The following TSHR variants were observed in gnomAD, a reference collection of about 807,000 sequenced individuals.
The protein encoded by TSHR is thyroid stimulating hormone receptor, also known as thyrotropin receptor.
Under a neutral mutation model 64.1 loss-of-function variants are expected in TSHR, and 51 were observed. The observed-to-expected ratio is 0.80, with a 90% CI of 0.64 to 1.01. TSHR has a LOEUF of 1.01. TSHR is among the 50% of genes least tolerant of loss of function. The pLI is 0.00. For synonymous variants in TSHR, 361 were observed against 361.9 expected, an observed-to-expected ratio of 1.00 and a Z score of 0.03; for missense variants, 877 against 942.8, an observed-to-expected ratio of 0.93 and a Z score of 0.91.
chr14:80,968,772 T>G (rs1297998432), intron 1 of TSHR, among the ~76,000 whole-genome samples: 2 of 152,186 alleles, frequency 1.3e-5, no homozygotes, highest in Admixed American at 6.5e-5. Flanking sequence ...CACTCCTTAC[T>G]CTTCCTAATG....
At chr14:81,005,045 CA>C (rs764358127) in intron 1 of TSHR, among the ~76,000 whole-genome samples, 1 of 152,180 alleles carries the variant, frequency 6.6e-6, no homozygotes, top group Non-Finnish European at 1.5e-5. Context: ...CAATATGCAG[CA>C]GAGCCTAGAG....
intron 7 of TSHR, among the ~76,000 whole-genome samples, chr14:81,105,959 T>G (rs1292887864): frequency 6.6e-6 from 1 of 152,150 alleles, no homozygotes. Context: ...TGCAGTTGTT[T>G]TTTTTTTTCA....
At chr14:81,127,881 A>G (rs1419039980) in intron 8 of TSHR, among the ~76,000 whole-genome samples, 1 of 152,160 alleles carries the variant, frequency 6.6e-6, no homozygotes, top group Non-Finnish European at 1.5e-5. Context: ...TTCTTTATAA[A>G]TTACCCAGTC....
chr14:81,010,415 C>T (rs1274985494), intron 1 of TSHR, among the ~76,000 whole-genome samples: 1 of 151,798 alleles, frequency 6.6e-6, no homozygotes, highest in East Asian at 1.9e-4. Flanking sequence ...TTTCAATCAG[C>T]TCTAATAATT....
Position 81,017,890 on chromosome 14 carries a change from C to T in TSHR, c.171-44258C>T, listed in dbSNP as rs192676313. Among the ~76,000 whole-genome samples the T allele has an allele frequency of 3.1e-4, 45 of 147,058 alleles. 1 individual carries two copies. Among genetic ancestry groups the T allele is most frequent in the Middle Eastern group, 3.6e-3 (1 of 280 alleles). On this transcript the variant is annotated intron_variant, in intron 1 of 9. Coordinates refer to ENST00000298171, the MANE Select transcript of TSHR (RefSeq NM_000369.5). ...TGTCGCCCAGGCTGGAGTACAATGA[C>T]ATGATCTCGGCTCATTGCAAGCTCC...
At chr14:81,064,439 T>C (rs1440124766) in intron 2 of TSHR, among the ~76,000 whole-genome samples, 1 of 152,084 alleles carries the variant, frequency 6.6e-6, no homozygotes, top group Non-Finnish European at 1.5e-5. Context: ...GCATTTGAGG[T>C]GCAGTTATAT....
intron 8 of TSHR, among the ~76,000 whole-genome samples, chr14:81,109,738 T>C (rs1216506571): frequency 2.6e-5 from 4 of 152,168 alleles, no homozygotes; most frequent in African/African-American, 4.8e-5. Context: ...CCTGTTCTCT[T>C]AACACATACG....
intron 1 of TSHR, chr14:81,051,163 CA>C (rs1326750617): frequency 6.6e-6 from 1 of 152,278 alleles, no homozygotes; most frequent in African/African-American, 2.4e-5. Flanking sequence ...GACTAGATTC[CA>C]TTTCAAGAAA....
At position 81,018,490 on chromosome 14, in the gene TSHR, G is replaced by T. The variant is rs200857396; in HGVS notation, c.171-43658G>T. On this transcript the variant is annotated intron_variant, in intron 1 of 9. Transcript: ENST00000298171. ...TGAAACACAGTTTTAGAGTTAAATT[G>T]TTTCTGGATGCAGGCATACAATAAA... Among the ~76,000 whole-genome samples the T allele has an allele frequency of 5.1e-4, 77 of 152,334 alleles. No individual in the cohort carries two copies. In the East Asian group the frequency reaches 7.1e-3, roughly 14 times the overall value.
At chr14:81,133,851 T>C (rs1296822805) in intron 8 of TSHR, among the ~76,000 whole-genome samples, 3 of 152,028 alleles carry the variant, frequency 2.0e-5, no homozygotes, top group Non-Finnish European at 4.4e-5. Context: ...AAAGCAATAA[T>C]TAAGGACCTG....
chr14:81,108,880 C>T (rs1021839452), intron 8 of TSHR: 12 of 1,438,676 alleles, frequency 8.3e-6, no homozygotes, highest in African/African-American at 2.9e-5. Context: ...TAGTTCGACT[C>T]GTCTGTGGAA....
intron 1 of TSHR, chr14:80,957,680 A>G (rs1886774105): frequency 6.6e-6 from 1 of 152,172 alleles, no homozygotes; most frequent in Non-Finnish European, 1.5e-5. Context: ...AAAAGTTGAG[A>G]AAGAAAGGGT....
rs372603795 is a variant in TSHR, at chr14:81,136,988, T to C, written c.693-2691T>C. Among the ~76,000 whole-genome samples, 32 of 152,304 alleles carry C rather than the reference T, an allele frequency of 2.1e-4. No homozygotes were observed. The East Asian group carries it at 3.5e-3, about 17-fold the overall frequency. On this transcript the variant is annotated intron_variant, in intron 8 of 9. Coordinates refer to ENST00000298171, the MANE Select transcript of TSHR (RefSeq NM_000369.5). ...AGCTGAGAACTCCAGACCCAAATGA[T>C]ACTTATGACTCCACCCTTGGTTCAC...
chr14:80,980,333 A>G (rs1032845040), intron 1 of TSHR, among the ~76,000 whole-genome samples: 19 of 152,316 alleles, frequency 1.2e-4, no homozygotes, highest in African/African-American at 4.1e-4. Context: ...AAAATTAACC[A>G]GAAGTTAACA....
At chr14:80,986,322 A>C (rs1888444532) in intron 1 of TSHR, among the ~76,000 whole-genome samples, 1 of 152,172 alleles carries the variant, frequency 6.6e-6, no homozygotes, top group East Asian at 1.9e-4. Context: ...AGAGAGATAG[A>C]TAGAGATAGA....
At chr14:81,090,960 G>A (rs1888683934) in intron 4 of TSHR, 109 bp from the exon 5 acceptor site, 2 of 906,510 alleles carry the variant, frequency 2.2e-6, no homozygotes, top group African/African-American at 1.6e-5. Context: ...TTTGACTACA[G>A]GTTGTCTTCA....
At chr14:80,979,872 C>A (rs1888080642) in intron 1 of TSHR, among the ~76,000 whole-genome samples, 1 of 148,134 alleles carries the variant, frequency 6.8e-6, no homozygotes, top group Admixed American at 6.6e-5. Context: ...AATGGAGTTT[C>A]TTTTGTTCTT....
At chr14:80,979,653 A>G (rs897699520) in intron 1 of TSHR, among the ~76,000 whole-genome samples, 5 of 152,248 alleles carry the variant, frequency 3.3e-5, no homozygotes, top group African/African-American at 9.6e-5. Flanking sequence ...TGCTAATTAA[A>G]AATAAGAGAA....
intron 3 of TSHR, among the ~76,000 whole-genome samples, chr14:81,068,974 T>G (rs1886862889): frequency 6.6e-6 from 1 of 152,138 alleles, no homozygotes; most frequent in African/African-American, 2.4e-5. Flanking sequence ...ATTTCGCTAG[T>G]AGATTACAAT....
Sources: allele counts gnomAD v4.1 joint callset (sites outside exome capture counted in the v4.1 genomes callset), GRCh38; gene constraint gnomAD v4.1.1; transcripts MANE v1.5; gene names NCBI Gene and HGNC (gene_info 2026-07-23, HGNC 2026-07-21).